The following SLC28A3 variants were observed in gnomAD, a reference collection of about 807,000 sequenced individuals.
The protein encoded by SLC28A3 is concentrative Na(+)-nucleoside cotransporter 3.
Under a neutral mutation model 84.2 loss-of-function variants are expected in SLC28A3, and 68 were observed. The ratio of observed to expected loss-of-function variants is 0.81; its 90% CI spans 0.66 to 0.99. SLC28A3 has a LOEUF of 0.99. SLC28A3 is among the 50% of genes least tolerant of loss of function. The pLI, the probability that SLC28A3 is intolerant of heterozygous loss-of-function variation, is 0.00. For synonymous variants in SLC28A3, 267 were observed against 303.6 expected, an observed-to-expected ratio of 0.88 and a Z score of 1.25; for missense variants, 712 against 841.5, an observed-to-expected ratio of 0.85 and a Z score of 1.90.
At chr9:84,355,543 T>C in the SLC28A3 span, among the ~76,000 whole-genome samples, 2 of 152,184 alleles carry the variant, frequency 1.3e-5, no homozygotes, top group African/African-American at 2.4e-5. Context: ...AAAAAGTACA[T>C]ATTGTCATTT....
intron 14 of SLC28A3, among the ~76,000 whole-genome samples, chr9:84,284,995 C>G (rs1837571675): frequency 1.3e-5 from 2 of 152,160 alleles, no homozygotes; most frequent in Admixed American, 6.5e-5. Flanking sequence ...TTGCTATGGC[C>G]TCAGTACTCA....
chr9:84,355,271 C>T, the SLC28A3 span, among the ~76,000 whole-genome samples: 1 of 152,046 alleles, frequency 6.6e-6, no homozygotes, highest in Non-Finnish European at 1.5e-5. Context: ...AGTGATACCC[C>T]TGCCTCTGAA....
At chr9:84,295,757 T>G (rs1358412036) in intron 8 of SLC28A3, among the ~76,000 whole-genome samples, 1 of 152,144 alleles carries the variant, frequency 6.6e-6, no homozygotes, top group Admixed American at 6.5e-5. Context: ...CTCCTCAGCC[T>G]CATCCTACTG....
chr9:84,306,785 G>A (rs1443358013), intron 3 of SLC28A3, among the ~76,000 whole-genome samples: 1 of 151,988 alleles, frequency 6.6e-6, no homozygotes, highest in East Asian at 1.9e-4. Context: ...AGTAAATATT[G>A]CTTATCTGAA....
At chr9:84,360,657 A>C in the SLC28A3 span, among the ~76,000 whole-genome samples, 4 of 152,226 alleles carry the variant, frequency 2.6e-5, no homozygotes, top group East Asian at 5.8e-4. Flanking sequence ...GTGGCTTATA[A>C]TTGTAATCCC....
chr9:84,280,752 G>T (rs1056270349), intron 15 of SLC28A3, 49 bp downstream of exon 15: 2 of 1,583,968 alleles, frequency 1.3e-6, no homozygotes, highest in African/African-American at 2.7e-5. Flanking sequence ...GGGGATCCAA[G>T]TATGTCTATG....
intron 2 of SLC28A3, 115 bp from the exon 3 acceptor site, chr9:84,309,829 T>G: frequency 1.3e-6 from 1 of 782,252 alleles, no homozygotes. Context: ...TTTTAAATTA[T>G]TATGCAAGAA....
rs1824594115 is a variant in SLC28A3 at position 84,278,215 on chromosome 9, A to G, written c.*3T>C. 3.1e-6 allele frequency: 5 copies of G among 1,612,832 alleles called. No individual in the cohort carries two copies. Among genetic ancestry groups the G allele is most frequent in the South Asian group, 2.2e-5 (2 of 90,924 alleles). On this transcript the variant is annotated 3_prime_UTR_variant, in exon 18 of 18. Coordinates refer to ENST00000376238, the MANE Select transcript of SLC28A3 (RefSeq NM_001199633.2). The stretch of plus-strand genomic sequence containing the variant: ...CAGAGTTCCACTGGAGAAGTGGCTG[A>G]CCTCAAAATGTATTAGAGATCCCAT...
intron 14 of SLC28A3, among the ~76,000 whole-genome samples, chr9:84,284,101 C>T (rs79687092): frequency 6.6e-6 from 1 of 152,140 alleles, no homozygotes; most frequent in African/African-American, 2.4e-5. Flanking sequence ...GCTGCCAGAA[C>T]GCAGAGCCCG....
intron 1 of SLC28A3, among the ~76,000 whole-genome samples, chr9:84,337,161 G>A (rs1414812222): frequency 1.3e-5 from 2 of 152,142 alleles, no homozygotes; most frequent in Admixed American, 1.3e-4. Flanking sequence ...TGCACTTGGT[G>A]CAAACCTCCG....
intron 10 of SLC28A3, chr9:84,292,467 C>CTCTCTCTCTCTG (rs1554724333): frequency 3.1e-5 from 12 of 392,930 alleles, no homozygotes; most frequent in Middle Eastern, 6.9e-4. Flanking sequence ...CTCTCTGTCT[C>CTCTCTCTCTCTG]TCTCTCTGTC....
Position 84,340,738 on chromosome 9 carries a change from G to A in SLC28A3, c.-105C>T. ...AAGCCACCTGCTGTTACAGGGACCT[G>A]GGCACAGCTTGCTTCAGTTTGGAAA... On this transcript the variant is annotated 5_prime_UTR_variant, in exon 1 of 18. Transcript: ENST00000376238. 7.7e-7 allele frequency: 1 copy of A among 1,294,762 alleles called. No homozygotes were observed. Among genetic ancestry groups the A allele is most frequent in the African/African-American group, 1.5e-5 (1 of 67,132 alleles). 80.2% of individuals were successfully genotyped at this position (1,294,762 alleles called of 1,614,324 possible).
the SLC28A3 span, among the ~76,000 whole-genome samples, chr9:84,353,053 A>G: frequency 6.6e-6 from 1 of 152,124 alleles, no homozygotes; most frequent in Non-Finnish European, 1.5e-5. Flanking sequence ...GAGATTTGTC[A>G]TTATCAGGTC....
In SLC28A3 at chr9:84,334,699, G is replaced by A. The variant is rs866413720; in HGVS notation, c.60+5875C>T. 7.7e-5 allele frequency among the ~76,000 whole-genome samples: 10 copies of A among 130,468 alleles called. No individual in the cohort carries two copies. The South Asian group carries it at 2.1e-3, about 27-fold the overall frequency. The allele number at this position is 130,468 out of a possible 152,430, so 85.6% of individuals were successfully genotyped here. A position where few individuals can be genotyped will look rare whatever the true frequency, so the allele number is the denominator to read the frequency against. Reference sequence around the variant, plus strand: ...CCTGCCCTAGGTCTTCCCCTTCCCCGCCCCTCCCTAGCACCACCACTGCAC... The same window carrying A: ...CCTGCCCTAGGTCTTCCCCTTCCCCACCCCTCCCTAGCACCACCACTGCAC... On this transcript the variant is annotated intron_variant, in intron 1 of 17. Transcript: ENST00000376238.
intron 2 of SLC28A3, among the ~76,000 whole-genome samples, chr9:84,310,145 C>T (rs1422619400): frequency 6.6e-6 from 1 of 152,164 alleles, no homozygotes; most frequent in Non-Finnish European, 1.5e-5. Context: ...ATTTATTTCC[C>T]CGGCAGCCCA....
intron 6 of SLC28A3, among the ~76,000 whole-genome samples, chr9:84,298,342 C>T (rs943219493): frequency 6.6e-6 from 1 of 152,072 alleles, no homozygotes; most frequent in African/African-American, 2.4e-5. Flanking sequence ...CAAAAAGAAG[C>T]CAGGCGTGGT....
the SLC28A3 span, among the ~76,000 whole-genome samples, chr9:84,349,722 GT>G: frequency 3.2e-4 from 48 of 152,312 alleles, 1 homozygote; most frequent in African/African-American, 1.2e-3. Context: ...ACCATTACAT[GT>G]GGTTGAATGA....
At position 84,286,042 on chromosome 9, in the gene SLC28A3, G is replaced by A. The variant is rs774252638; in HGVS notation, c.1350C>T (p.Ile450=). 20 of 1,614,110 alleles carry A rather than the reference G, an allele frequency of 1.2e-5. No individual in the cohort carries two copies. The highest frequency in any genetic ancestry group is 5.0e-5 in the Admixed American group (3 of 60,018). Reference sequence around the variant, plus strand: ...CCAGGAAGGCAATCAGATTCACAGCGATGTTGGCCACCAGGGAGATGGAGG... The same window carrying A: ...CCAGGAAGGCAATCAGATTCACAGCAATGTTGGCCACCAGGGAGATGGAGG... ...ASSSISLVAN[I]AVNLIAFLAL... is the part of the protein sequence containing the mutation. The change falls in exon 13 of 18, where the codon ATC becomes ATT. Residue 450 remains isoleucine (I), a synonymous_variant. Coordinates refer to ENST00000376238, the MANE Select transcript of SLC28A3 (RefSeq NM_001199633.2).
rs1825664921 is a variant in SLC28A3, at chr9:84,302,346, G to C, written c.378C>G (p.His126Gln). Residue 126 changes from histidine to glutamine, a missense_variant, in exon 5 of 18, where the codon CAC (histidine) becomes CAG (glutamine). His to Gln is a conservative substitution (Grantham distance 24). Transcript: ENST00000376238. ...TGATCACAAAAAGAGGAAGGGCTCT[G>C]TGAAAGTTCAGCACACAGGCCGAAA... is the stretch of plus-strand genomic sequence containing the variant. ...MVISACVLNF[H>Q]RALPLFVITV... is the part of the protein sequence containing the mutation. 6.2e-7 allele frequency: 1 copy of C among 1,613,990 alleles called. No individual in the cohort carries two copies. The highest frequency in any genetic ancestry group is 8.5e-7 in the Non-Finnish European group (1 of 1,180,010).
Sources: gnomAD v4.1 joint callset for allele counts (sites outside exome capture counted in the v4.1 genomes callset) on GRCh38, gnomAD v4.1.1 for gene constraint, MANE v1.5 for transcripts, NCBI Gene and HGNC (gene_info 2026-07-23, HGNC 2026-07-21) for gene names.